Variants in MTUS2 observed in about 807,000 individuals in gnomAD.
The protein encoded by MTUS2 is microtubule associated scaffold protein 2, also known as microtubule-associated tumor suppressor candidate 2.
In MTUS2, 40 loss-of-function variants were observed where a neutral mutation model predicts 114.1. The ratio of observed to expected loss-of-function variants is 0.35; its 90% confidence interval spans 0.27 to 0.46. The LOEUF (loss-of-function observed/expected upper bound fraction) is 0.46. Ranked by LOEUF, MTUS2 falls within the 20% of genes least tolerant of loss-of-function variation. MTUS2 has a pLI of 1.00. For synonymous variants in MTUS2, 688 were observed against 672.0 expected (o/e 1.02, Z -0.37); for missense variants, 1,679 against 1,705.4 (o/e 0.98, Z 0.27).
At chr13:29,096,816 G>A (rs966870370) in intron 4 of MTUS2, among the ~76,000 whole-genome samples, 1 of 152,184 alleles carries the variant, frequency 6.6e-6, no homozygotes, top group African/African-American at 2.4e-5. Context: ...GGTAGGGACA[G>A]TAGCTTCTAG....
chr13:29,396,463 C>A (rs984027720), intron 8 of MTUS2, among the ~76,000 whole-genome samples: 2 of 152,080 alleles, frequency 1.3e-5, no homozygotes, highest in Non-Finnish European at 2.9e-5. Context: ...TTATAACATA[C>A]GTCCAAAAAT....
intron 2 of MTUS2, among the ~76,000 whole-genome samples, chr13:28,919,741 TG>T (rs1021985025): frequency 3.9e-5 from 6 of 152,182 alleles, no homozygotes; most frequent in African/African-American, 1.4e-4. Flanking sequence ...TTGTAGATCT[TG>T]TAGGCATGCT....
At chr13:29,408,071 A>C (rs375884640) in intron 8 of MTUS2, among the ~76,000 whole-genome samples, 2 of 152,158 alleles carry the variant, frequency 1.3e-5, no homozygotes, top group East Asian at 3.9e-4. Flanking sequence ...CATATTCTGG[A>C]TACTAGTTTA....
intron 14 of MTUS2, among the ~76,000 whole-genome samples, chr13:29,500,409 C>A (rs1882808836): frequency 6.6e-6 from 1 of 152,188 alleles, no homozygotes. Context: ...GTCTTAGAAT[C>A]AAACTGTACT....
chr13:29,248,184 G>A (rs980476051), intron 5 of MTUS2, among the ~76,000 whole-genome samples: 1 of 152,186 alleles, frequency 6.6e-6, no homozygotes, highest in South Asian at 2.1e-4. Context: ...ACTCAAAAGC[G>A]GGAGCTAAGC....
chr13:28,979,646 T>C (rs957864375), intron 2 of MTUS2, among the ~76,000 whole-genome samples: 2 of 152,208 alleles, frequency 1.3e-5, no homozygotes, highest in African/African-American at 4.8e-5. Flanking sequence ...TTTTTGTTGC[T>C]ATCTTGGAGT....
In MTUS2 at chr13:29,159,245, A is replaced by C. The variant is rs1156635003; in HGVS notation, c.2644+58275A>C. Among the ~76,000 whole-genome samples the C allele has an allele frequency of 4.6e-5, 7 of 152,224 alleles. No individual in the cohort carries two copies. The East Asian group carries it at 1.3e-3, about 29-fold the overall frequency. ...TTATAACAAATCCAGGACTTGAAAG[A>C]CACGTACTAAAATTAATAGGTGATT... On this transcript the variant is annotated intron_variant, in intron 5 of 15. Transcript: ENST00000612955.
chr13:29,173,056 C>G (rs913646622), intron 5 of MTUS2, among the ~76,000 whole-genome samples: 1 of 152,080 alleles, frequency 6.6e-6, no homozygotes, highest in African/African-American at 2.4e-5. Flanking sequence ...ATTCTGATAT[C>G]TGGGACTTGT....
chr13:29,197,652 T>A (rs1894759113), intron 5 of MTUS2, among the ~76,000 whole-genome samples: 1 of 152,210 alleles, frequency 6.6e-6, no homozygotes, highest in African/African-American at 2.4e-5. Context: ...TCCACAATAG[T>A]TGAACTAATT....
chr13:29,275,469 A>T (rs1310838411), intron 5 of MTUS2, among the ~76,000 whole-genome samples: 1 of 152,082 alleles, frequency 6.6e-6, no homozygotes, highest in Admixed American at 6.5e-5. Context: ...GGTCTTATTT[A>T]TTCTATTTTT....
At chr13:29,302,986 G>A (rs1899275135) in intron 6 of MTUS2, among the ~76,000 whole-genome samples, 1 of 152,198 alleles carries the variant, frequency 6.6e-6, no homozygotes. Flanking sequence ...GCTCTTCACT[G>A]GTGATAACCA....
intron 4 of MTUS2, among the ~76,000 whole-genome samples, chr13:29,047,213 C>T (rs1887665013): frequency 6.6e-6 from 1 of 152,146 alleles, no homozygotes; most frequent in Non-Finnish European, 1.5e-5. Flanking sequence ...TACAACTTCT[C>T]TCTCAGTTTC....
intron 5 of MTUS2, among the ~76,000 whole-genome samples, chr13:29,267,524 A>G (rs778593832): frequency 6.6e-6 from 1 of 152,168 alleles, no homozygotes. Context: ...GCAGGGCCTG[A>G]CCCAGAGCTA....
rs1220256945 is a variant in MTUS2, at chr13:29,380,922, C to CA, written c.3117+21475dup. 2.9e-3 allele frequency among the ~76,000 whole-genome samples: 24 copies of CA among 8,182 alleles called. 2 individuals are homozygous for CA. The highest frequency in any genetic ancestry group is 0.017 in the South Asian group (1 of 60). The allele number at this position is 8,182 out of a possible 152,430, so 5.4% of individuals were successfully genotyped here. A position where few individuals can be genotyped will look rare whatever the true frequency, so the allele number is the denominator to read the frequency against. On this transcript the variant is annotated intron_variant, in intron 8 of 15. Transcript: ENST00000612955. ...TGGGCGACAGAGCGAGACTCCGTCT[C>CA]AAAAAAAAAAAAAAAAAAAAAAAAA...
chr13:28,841,718 ACT>A (rs1464753822), intron 2 of MTUS2, among the ~76,000 whole-genome samples: 3 of 149,548 alleles, frequency 2.0e-5, no homozygotes, highest in African/African-American at 7.4e-5. Context: ...ACGGAGTCTC[ACT>A]CTGTCGCCCA....
At chr13:29,133,332 ATGG>A (rs1891845759) in intron 5 of MTUS2, among the ~76,000 whole-genome samples, 1 of 152,102 alleles carries the variant, frequency 6.6e-6, no homozygotes, top group South Asian at 2.1e-4. Context: ...TCTGTTGGTA[ATGG>A]TTTTTGATAT....
chr13:29,269,307 C>T lies in MTUS2; in HGVS notation c.2645-12397C>T, dbSNP rs374973320. ...TGTCTTAAGCCATCATTGCTCTTTCCTAAAAGGCAACTGAGATTTGAGGGA... is the reference window on the plus strand; with the variant it reads ...TGTCTTAAGCCATCATTGCTCTTTCTTAAAAGGCAACTGAGATTTGAGGGA... On this transcript the variant is annotated intron_variant, in intron 5 of 15. Transcript: ENST00000612955. Among the ~76,000 whole-genome samples the T allele has an allele frequency of 5.3e-5, 8 of 152,028 alleles. No homozygotes were observed. In the East Asian group the frequency reaches 7.7e-4, roughly 15 times the overall value.
chr13:28,930,410 A>G (rs1456219171), intron 2 of MTUS2, among the ~76,000 whole-genome samples: 3 of 151,982 alleles, frequency 2.0e-5, no homozygotes, highest in African/African-American at 7.3e-5. Flanking sequence ...GTGGGGTGGA[A>G]CCCTGCCTGT....
At chr13:29,139,800 C>T (rs112851988) in intron 5 of MTUS2, among the ~76,000 whole-genome samples, 5 of 152,178 alleles carry the variant, frequency 3.3e-5, no homozygotes, top group South Asian at 4.1e-4. Context: ...TCCTCATTCT[C>T]GTGCTCTTAG....
Sources: allele counts gnomAD v4.1 joint callset (sites outside exome capture counted in the v4.1 genomes callset), GRCh38; gene constraint gnomAD v4.1.1; transcripts MANE v1.5; gene names NCBI Gene and HGNC (gene_info 2026-07-23, HGNC 2026-07-21).